Variants in MIPOL1 observed in about 807,000 individuals in gnomAD.
The protein encoded by MIPOL1 is mirror-image polydactyly gene 1 protein.
A neutral mutation model predicts 60.9 loss-of-function variants in MIPOL1; 57 were observed. That is an observed-to-expected ratio of 0.94 (90% confidence interval 0.76 to 1.17). The LOEUF (loss-of-function observed/expected upper bound fraction) is 1.17. MIPOL1 is among the 50% of genes most tolerant of loss of function. The pLI is 0.00. For synonymous variants in MIPOL1, 179 were observed against 168.8 expected, an observed-to-expected ratio of 1.06 and a Z score of -0.47; for missense variants, 551 against 511.6, an observed-to-expected ratio of 1.08 and a Z score of -0.74.
chr14:37,523,281 T>C (rs562509930), intron 12 of MIPOL1, among the ~76,000 whole-genome samples: 27 of 152,290 alleles, frequency 1.8e-4, no homozygotes, highest in Non-Finnish European at 3.4e-4. Context: ...TGATGGATTT[T>C]GTCCGTTTAA....
At chr14:37,461,640 CA>C (rs1420815149) in intron 11 of MIPOL1, among the ~76,000 whole-genome samples, 1 of 152,120 alleles carries the variant, frequency 6.6e-6, no homozygotes, top group Admixed American at 6.5e-5. Context: ...TTCCTAGATA[CA>C]ATGGGGGTTC....
At chr14:37,306,442 A>T (rs1169835014) in intron 7 of MIPOL1, among the ~76,000 whole-genome samples, 2 of 151,890 alleles carry the variant, frequency 1.3e-5, no homozygotes, top group Non-Finnish European at 2.9e-5. Flanking sequence ...ATTGTCCTGT[A>T]TCTGTTCACA....
At chr14:37,233,548 G>A (rs866600647) in intron 1 of MIPOL1, among the ~76,000 whole-genome samples, 11 of 152,038 alleles carry the variant, frequency 7.2e-5, no homozygotes, top group Non-Finnish European at 1.2e-4. Context: ...ATGTCAGTGC[G>A]GTCATTTTTA....
At chr14:37,296,890 G>A (rs1209465137) in intron 7 of MIPOL1, among the ~76,000 whole-genome samples, 1 of 152,246 alleles carries the variant, frequency 6.6e-6, no homozygotes. Flanking sequence ...GGAGGAACTG[G>A]TACCATTCCT....
At chr14:37,213,947 CATT>C (rs1967136514) in intron 1 of MIPOL1, among the ~76,000 whole-genome samples, 1 of 151,398 alleles carries the variant, frequency 6.6e-6, no homozygotes, top group South Asian at 2.1e-4. Flanking sequence ...GCAAAAAAAA[CATT>C]ATACCCTAGG....
At chr14:37,341,467 G>A (rs1469816786) in intron 9 of MIPOL1, among the ~76,000 whole-genome samples, 1 of 152,220 alleles carries the variant, frequency 6.6e-6, no homozygotes, top group Non-Finnish European at 1.5e-5. Flanking sequence ...TGTTAGGAAT[G>A]AAGGAACTGG....
intron 10 of MIPOL1, among the ~76,000 whole-genome samples, chr14:37,414,689 C>T (rs1460089633): frequency 6.6e-6 from 1 of 152,076 alleles, no homozygotes; most frequent in Non-Finnish European, 1.5e-5. Context: ...GCCTCTATAT[C>T]TTACTATTTG....
chr14:37,481,021 G>T (rs978707108), intron 11 of MIPOL1, among the ~76,000 whole-genome samples: 6 of 152,112 alleles, frequency 3.9e-5, no homozygotes, highest in African/African-American at 1.4e-4. Flanking sequence ...CATGCCTGTA[G>T]TCCTAGCTAT....
At chr14:37,265,458 A>G (rs2082808772) in intron 3 of MIPOL1, among the ~76,000 whole-genome samples, 1 of 152,158 alleles carries the variant, frequency 6.6e-6, no homozygotes, top group African/African-American at 2.4e-5. Context: ...CTACCACAAG[A>G]CATACCACAC....
At chr14:37,306,768 T>C (rs2086818012) in intron 7 of MIPOL1, among the ~76,000 whole-genome samples, 1 of 151,864 alleles carries the variant, frequency 6.6e-6, no homozygotes, top group South Asian at 2.1e-4. Flanking sequence ...AGTGTTTATC[T>C]TCACAATTCT....
At chr14:37,515,834 A>T (rs2095365183) in intron 12 of MIPOL1, among the ~76,000 whole-genome samples, 1 of 152,156 alleles carries the variant, frequency 6.6e-6, no homozygotes, top group Non-Finnish European at 1.5e-5. Context: ...AACTGATCAG[A>T]TACACATATG....
intron 7 of MIPOL1, among the ~76,000 whole-genome samples, chr14:37,298,240 T>C (rs1023583462): frequency 2.0e-5 from 3 of 152,124 alleles, no homozygotes; most frequent in East Asian, 1.9e-4. Flanking sequence ...GGAAAACTGG[T>C]TAGCCATATG....
At chr14:37,454,556 G>A (rs2094456462) in intron 11 of MIPOL1, among the ~76,000 whole-genome samples, 1 of 152,140 alleles carries the variant, frequency 6.6e-6, no homozygotes, top group South Asian at 2.1e-4. Context: ...GAATGAAACA[G>A]CCCAAGTTTT....
chr14:37,302,089 TATA>T (rs1160197590), intron 7 of MIPOL1, among the ~76,000 whole-genome samples: 8 of 144,348 alleles, frequency 5.5e-5, no homozygotes, highest in Non-Finnish European at 1.2e-4. Flanking sequence ...TGTCTGGACA[TATA>T]TTTTCAAATC....
At chr14:37,409,294 G>A (rs1475773468) in intron 10 of MIPOL1, among the ~76,000 whole-genome samples, 2 of 152,032 alleles carry the variant, frequency 1.3e-5, no homozygotes, top group Non-Finnish European at 2.9e-5. Context: ...AATATAAGTA[G>A]CTATGTATGA....
At chr14:37,369,838 T>A in intron 10 of MIPOL1, 1 of 300,124 alleles carries the variant, frequency 3.3e-6, no homozygotes, top group Non-Finnish European at 6.2e-6. Flanking sequence ...TTCTGAATTT[T>A]GAGTGGTGGT....
chr14:37,383,832 T>C (rs2092993001), intron 10 of MIPOL1, among the ~76,000 whole-genome samples: 1 of 151,962 alleles, frequency 6.6e-6, no homozygotes, highest in Non-Finnish European at 1.5e-5. Context: ...TATATTTTTG[T>C]AAATTTGATT....
chr14:37,444,917 G>A (rs902360160), intron 11 of MIPOL1, among the ~76,000 whole-genome samples: 3 of 152,116 alleles, frequency 2.0e-5, no homozygotes, highest in Non-Finnish European at 4.4e-5. Context: ...GTATTGATGG[G>A]ATGTATCTCA....
At chr14:37,307,972 G>T in intron 7 of MIPOL1, 84 bp from the exon 8 acceptor site, 1 of 1,095,636 alleles carries the variant, frequency 9.1e-7, no homozygotes, top group East Asian at 2.4e-5. Flanking sequence ...AATTACTTGA[G>T]GTTCTAAAGA....
Sources: gnomAD v4.1 joint callset for allele counts (sites outside exome capture counted in the v4.1 genomes callset) on GRCh38, gnomAD v4.1.1 for gene constraint, MANE v1.5 for transcripts, NCBI Gene and HGNC (gene_info 2026-07-23, HGNC 2026-07-21) for gene names.